The following C1orf159 variants were observed in gnomAD, a reference collection of about 807,000 sequenced individuals.
C1orf159 encodes uncharacterized protein C1orf159.
A neutral mutation model predicts 25.6 loss-of-function variants in C1orf159; 19 were observed. The observed-to-expected ratio is 0.74, with a 90% CI of 0.52 to 1.09. The LOEUF is 1.09. Ranked by LOEUF, C1orf159 falls within the 50% of genes least tolerant of loss-of-function variation. The pLI, the probability that C1orf159 is intolerant of heterozygous loss-of-function variation, is 0.00. For missense variants in C1orf159, 274 were observed against 290.6 expected, an observed-to-expected ratio of 0.94 and a Z score of 0.42; for synonymous variants, 139 against 124.7, an observed-to-expected ratio of 1.12 and a Z score of -0.77.
chr1:1,111,996 G>A (rs866905653), intron 1 of C1orf159, among the ~76,000 whole-genome samples: 1 of 152,206 alleles, frequency 6.6e-6, no homozygotes, highest in Non-Finnish European at 1.5e-5. Flanking sequence ...CATGGTAGTC[G>A]CTGCCCACCT....
intron 1 of C1orf159, among the ~76,000 whole-genome samples, chr1:1,095,599 T>C (rs1447174647): frequency 6.6e-6 from 1 of 152,256 alleles, no homozygotes; most frequent in Non-Finnish European, 1.5e-5. Context: ...TAAATAATCA[T>C]GTCATCTACA....
At chr1:1,112,434 C>CA (rs571307164) in intron 1 of C1orf159, among the ~76,000 whole-genome samples, 258 of 152,222 alleles carry the variant, frequency 1.7e-3, no homozygotes, top group African/African-American at 5.8e-3. Flanking sequence ...TCCCTCCCTC[C>CA]AGTGAACACA....
intron 1 of C1orf159, among the ~76,000 whole-genome samples, chr1:1,096,436 G>C (rs962342210): frequency 6.6e-6 from 1 of 152,164 alleles, no homozygotes; most frequent in Admixed American, 6.5e-5. Flanking sequence ...CCAAAGTGCT[G>C]GGATTACACG....
intron 9 of C1orf159, chr1:1,083,259 G>A (rs774305363): frequency 7.1e-5 from 31 of 435,858 alleles, no homozygotes; most frequent in Non-Finnish European, 1.1e-4. Context: ...GGCGATCCCC[G>A]AAGACAGAGA....
chr1:1,094,220 C>T (rs1161575011), intron 1 of C1orf159, among the ~76,000 whole-genome samples: 1 of 151,812 alleles, frequency 6.6e-6, no homozygotes, highest in Non-Finnish European at 1.5e-5. Flanking sequence ...ACATCAGCCT[C>T]CCGAGTAGCT....
chr1:1,107,252 T>C (rs1444878262), intron 1 of C1orf159, among the ~76,000 whole-genome samples: 1 of 152,364 alleles, frequency 6.6e-6, no homozygotes, highest in South Asian at 2.1e-4. Flanking sequence ...GGAGAACTTT[T>C]ATGTCTAGCT....
intron 8 of C1orf159, 33 bp downstream of exon 8, chr1:1,084,448 G>T (rs1316394752): frequency 6.4e-7 from 1 of 1,574,588 alleles, no homozygotes; most frequent in East Asian, 2.3e-5. Context: ...ACGCGGCCAG[G>T]GACGCTCAGC....
intron 1 of C1orf159, among the ~76,000 whole-genome samples, chr1:1,096,578 G>A (rs937274300): frequency 2.0e-5 from 3 of 152,206 alleles, no homozygotes; most frequent in African/African-American, 7.2e-5. Context: ...GAGTTTTCTT[G>A]GTAGGTAGGT....
At position 1,087,287 on chromosome 1, in the gene C1orf159, C is replaced by T. The variant is rs771368252; in HGVS notation, c.245-83G>A. 1.4e-4 allele frequency: 193 copies of T among 1,387,166 alleles called. No homozygotes were observed. Among genetic ancestry groups the T allele is most frequent in the Non-Finnish European group, 1.8e-4 (183 of 1,028,266 alleles). The allele number at this position is 1,387,166 out of a possible 1,614,324, so 85.9% of individuals were successfully genotyped here. On this transcript the variant is annotated intron_variant, in intron 5 of 9. Transcript: ENST00000421241. This position sits in a 1 kb window ranked among gnomAD's most constrained non-coding sequence, Gnocchi z 8.3. ...CGTGCACCCTGAAGGGATCTCAGGA[C>T]GGAAATATGAAAGCGAGGGGCTGAG...
intron 1 of C1orf159, among the ~76,000 whole-genome samples, chr1:1,104,934 A>G (rs1646151096): frequency 6.6e-6 from 1 of 152,224 alleles, no homozygotes; most frequent in South Asian, 2.1e-4. Flanking sequence ...CTGTCCAACA[A>G]CAGCAGCAAT....
chr1:1,100,832 C>A (rs1646090581), intron 1 of C1orf159, among the ~76,000 whole-genome samples: 1 of 152,170 alleles, frequency 6.6e-6, no homozygotes, highest in Admixed American at 6.5e-5. Flanking sequence ...TAGCATTATA[C>A]CACTTTATGC....
intron 1 of C1orf159, among the ~76,000 whole-genome samples, chr1:1,101,660 C>G (rs751742598): frequency 6.6e-6 from 1 of 152,020 alleles, no homozygotes; most frequent in South Asian, 2.1e-4. Flanking sequence ...CACAGTCTGT[C>G]GGCTCACGGT....
rs866562969 is a variant in C1orf159, at chr1:1,087,902, G to A, written c.149-305C>T. 1.7e-4 allele frequency among the ~76,000 whole-genome samples: 25 copies of A among 149,722 alleles called. No individual in the cohort carries two copies. In the Middle Eastern group the frequency reaches 0.011, roughly 66 times the overall value. ...TACTCCACGCTGCACTCTCCACGCCGAGCACCCCAGCCCCGAGTACTCCAC... is the reference window on the plus strand; with the variant it reads ...TACTCCACGCTGCACTCTCCACGCCAAGCACCCCAGCCCCGAGTACTCCAC... On this transcript the variant is annotated intron_variant, in intron 4 of 9. Coordinates refer to ENST00000421241, the MANE Select transcript of C1orf159 (RefSeq NM_017891.5). This position sits in a 1 kb window ranked among gnomAD's most constrained non-coding sequence, Gnocchi z 8.3.
chr1:1,086,047 C>T lies in C1orf159; in HGVS notation c.311-35G>A, dbSNP rs768785709. 14 of 1,608,116 alleles carry T rather than the reference C, an allele frequency of 8.7e-6. No individual in the cohort carries two copies. In the African/African-American group the frequency reaches 1.1e-4, roughly 12 times the overall value. On this transcript the variant is annotated intron_variant, in intron 6 of 9. Transcript: ENST00000421241. ...GACACCGCTGAGCAGACGGGCAGGA[C>T]GGTGGCCCTGGCTCCTCGCCTGGCC... is the stretch of plus-strand genomic sequence containing the variant.
chr1:1,101,533 ATCAGCTCAGGGTCTG>A (rs1253505195), intron 1 of C1orf159, among the ~76,000 whole-genome samples: 1 of 152,094 alleles, frequency 6.6e-6, no homozygotes, highest in African/African-American at 2.4e-5. Flanking sequence ...CTCATGGTCT[ATCAGCTCAGGGTCTG>A]TCAGCTCATG....
At chr1:1,093,677 G>A (rs547170610) in intron 1 of C1orf159, among the ~76,000 whole-genome samples, 125 of 152,312 alleles carry the variant, frequency 8.2e-4, no homozygotes, top group African/African-American at 2.8e-3. Flanking sequence ...TTGGCCAAAC[G>A]TCACCGCCTT....
intron 6 of C1orf159, among the ~76,000 whole-genome samples, chr1:1,086,783 C>A (rs1557746778): frequency 6.6e-6 from 1 of 151,820 alleles, no homozygotes; most frequent in Admixed American, 6.6e-5. Flanking sequence ...CAGCGTGAGC[C>A]GTGAGTGTGA....
chr1:1,115,793 C>A (rs1646331267), intron 1 of C1orf159, among the ~76,000 whole-genome samples: 1 of 139,560 alleles, frequency 7.2e-6, no homozygotes, highest in African/African-American at 2.7e-5. Flanking sequence ...CCTTCCCCTC[C>A]CCAGGCGTCC....
intron 1 of C1orf159, among the ~76,000 whole-genome samples, chr1:1,101,345 T>C (rs956197180): frequency 2.0e-5 from 3 of 152,138 alleles, no homozygotes; most frequent in African/African-American, 7.2e-5. Context: ...TAGCTCAGCA[T>C]GGTAGCACAC....
Sources: gnomAD v4.1 joint callset for allele counts (sites outside exome capture counted in the v4.1 genomes callset) on GRCh38, gnomAD v4.1.1 for gene constraint, Gnocchi (gnomAD v3.1) non-coding constraint, MANE v1.5 for transcripts, NCBI Gene and HGNC (gene_info 2026-07-23, HGNC 2026-07-21) for gene names.